The following CFAP20DC variants were observed in gnomAD, a reference collection of about 807,000 sequenced individuals.
The protein encoded by CFAP20DC is CFAP20 domain containing, also known as protein CFAP20DC.
A neutral mutation model predicts 101.7 loss-of-function variants in CFAP20DC; 84 were observed. The ratio of observed to expected loss-of-function variants is 0.83; its 90% CI spans 0.69 to 0.99. The LOEUF (loss-of-function observed/expected upper bound fraction) is 0.99, where lower values mean the gene tolerates loss of function less well. CFAP20DC is among the 50% of genes least tolerant of loss of function. The probability of loss-of-function intolerance (pLI) is 0.00; values close to 1 mark genes in which losing one functional copy is unlikely to be tolerated. For synonymous variants in CFAP20DC, 359 were observed against 351.2 expected, an observed-to-expected ratio of 1.02 and a Z score of -0.25; for missense variants, 1,007 against 970.3, an observed-to-expected ratio of 1.04 and a Z score of -0.50.
chr3:58,917,150 T>C (rs916398218), intron 5 of CFAP20DC, among the ~76,000 whole-genome samples: 1 of 152,148 alleles, frequency 6.6e-6, no homozygotes, highest in African/African-American at 2.4e-5. Flanking sequence ...AGTCAGTTTA[T>C]GCTATTTATT....
At chr3:58,875,400 C>T (rs1391915345) in intron 7 of CFAP20DC, among the ~76,000 whole-genome samples, 1 of 152,100 alleles carries the variant, frequency 6.6e-6, no homozygotes, top group African/African-American at 2.4e-5. Context: ...AAATTCTAGA[C>T]TATTCATTTG....
At chr3:58,765,394 G>A (rs9838794) in intron 15 of CFAP20DC, among the ~76,000 whole-genome samples, 1,473 of 146,710 alleles carry the variant, frequency 0.01, 23 homozygotes, top group African/African-American at 0.036. Context: ...GTGCCAGGCT[G>A]TGTGGGGATT....
intron 4 of CFAP20DC, among the ~76,000 whole-genome samples, chr3:58,978,465 T>G (rs1180420533): frequency 2.0e-5 from 3 of 151,964 alleles, no homozygotes; most frequent in African/African-American, 7.2e-5. Flanking sequence ...TCCCAGCACT[T>G]TGGGAGGCCG....
intron 16 of CFAP20DC, among the ~76,000 whole-genome samples, chr3:58,746,632 A>G (rs996068624): frequency 2.6e-5 from 4 of 152,184 alleles, no homozygotes; most frequent in Non-Finnish European, 4.4e-5. Context: ...AAATGCATTC[A>G]TTCCAATACA....
At chr3:58,782,146 G>A (rs1575624244) in intron 15 of CFAP20DC, among the ~76,000 whole-genome samples, 2 of 151,922 alleles carry the variant, frequency 1.3e-5, no homozygotes, top group African/African-American at 4.8e-5. Context: ...GTGATACATC[G>A]CATTAACAGA....
downstream of CFAP20DC, chr3:58,737,144 GCTTCAGCATAC>G (rs1422001537): frequency 2.2e-6 from 1 of 456,188 alleles, no homozygotes; most frequent in South Asian, 1.6e-5. The surrounding 1 kb of genome is among the most constrained non-coding windows in gnomAD (Gnocchi z 4.1). Flanking sequence ...AAATGTTCAG[GCTTCAGCATAC>G]CTTGTTTTGG....
In CFAP20DC at chr3:58,809,850, A is replaced by T. The variant is rs550860699; in HGVS notation, c.2176-3394T>A. On this transcript the variant is annotated intron_variant, in intron 14 of 16. Transcript: ENST00000482387. ...AAGAGAGAAGAATCAAATAGACACA[A>T]TAAAAAATGATAAAGGGGATATCAC... Among the ~76,000 whole-genome samples, 254 of 152,310 alleles carry T rather than the reference A, an allele frequency of 1.7e-3. 1 individual carries two copies. The highest frequency in any genetic ancestry group is 5.7e-3 in the African/African-American group (236 of 41,582).
rs571048095 is a variant in CFAP20DC at position 58,926,307 on chromosome 3, AGT to A, written c.393+11339_393+11340del. Among the ~76,000 whole-genome samples the A allele has an allele frequency of 5.1e-3, 774 of 152,110 alleles. 3 individuals are homozygous for A. Among genetic ancestry groups the A allele is most frequent in the Non-Finnish European group, 9.1e-3 (622 of 67,986 alleles). ...TTTGAACCTGAGAGGCAGAGGTTGC[AGT>A]GAGCCGAGATCATGCCACTATACTC... On this transcript the variant is annotated intron_variant, in intron 5 of 16. Coordinates refer to ENST00000482387, the MANE Select transcript of CFAP20DC (RefSeq NM_001394063.1).
At chr3:59,000,893 A>G (rs2093290781) in intron 4 of CFAP20DC, among the ~76,000 whole-genome samples, 1 of 152,208 alleles carries the variant, frequency 6.6e-6, no homozygotes, top group Non-Finnish European at 1.5e-5. Flanking sequence ...TGGAACTCAA[A>G]TTAAGGTCAC....
At chr3:58,949,717 AC>A (rs1406620872) in intron 4 of CFAP20DC, among the ~76,000 whole-genome samples, 2 of 151,954 alleles carry the variant, frequency 1.3e-5, no homozygotes, top group African/African-American at 2.4e-5. Flanking sequence ...AAATTCAAAA[AC>A]CCTTCATGCT....
chr3:58,820,667 T>C (rs1279288908), intron 14 of CFAP20DC, among the ~76,000 whole-genome samples: 1 of 151,494 alleles, frequency 6.6e-6, no homozygotes, highest in Non-Finnish European at 1.5e-5. Context: ...TGGAAGAACA[T>C]TCCATGCTCA....
intron 13 of CFAP20DC, among the ~76,000 whole-genome samples, chr3:58,843,133 C>T (rs1426312158): frequency 6.6e-6 from 1 of 152,206 alleles, no homozygotes; most frequent in Non-Finnish European, 1.5e-5. Flanking sequence ...AACACAGTTC[C>T]TCACCAGCAA....
chr3:58,806,601 A>C, intron 14 of CFAP20DC, 145 bp from the exon 15 acceptor site: 3 of 669,320 alleles, frequency 4.5e-6, no homozygotes, highest in African/African-American at 1.8e-5. Flanking sequence ...AGACGGCCGA[A>C]TAGGAACAGC....
intron 5 of CFAP20DC, among the ~76,000 whole-genome samples, chr3:58,936,539 G>A (rs892190249): frequency 6.6e-6 from 1 of 152,100 alleles, no homozygotes; most frequent in Non-Finnish European, 1.5e-5. Flanking sequence ...GTCCAACAAT[G>A]ATAGACTGGA....
chr3:58,738,851 T>C (rs2067817019), downstream of CFAP20DC, among the ~76,000 whole-genome samples: 1 of 152,218 alleles, frequency 6.6e-6, no homozygotes, highest in South Asian at 2.1e-4. This position sits in a 1 kb window ranked among gnomAD's most constrained non-coding sequence, Gnocchi z 4.4. Flanking sequence ...GATAGTGTAC[T>C]TGATGTCATT....
chr3:58,744,047 GT>G (rs2068031883), intron 16 of CFAP20DC, among the ~76,000 whole-genome samples: 1 of 152,226 alleles, frequency 6.6e-6, no homozygotes, highest in Non-Finnish European at 1.5e-5. Context: ...TGTGAGTTGA[GT>G]GCAGTGCTAG....
At chr3:58,932,375 C>A (rs1345821309) in intron 5 of CFAP20DC, among the ~76,000 whole-genome samples, 2 of 152,026 alleles carry the variant, frequency 1.3e-5, no homozygotes, top group East Asian at 1.9e-4. Flanking sequence ...GAGAACTTCC[C>A]CAATCTAGCA....
rs753060406 is a variant in CFAP20DC, at chr3:58,937,741, G to C, written c.300C>G (p.Ile100Met). Residue 100 changes from isoleucine (I) to methionine (M), a missense_variant, in exon 5 of 17, where the codon ATC becomes ATG. Physicochemically the swap from Ile to Met is conservative, Grantham distance 10. Coordinates refer to ENST00000482387, the MANE Select transcript of CFAP20DC (RefSeq NM_001394063.1). ...TELLITDLGN[I>M]KRRLYLSTVH... ...CCGTTGATAAATATAATCTTCTTTTGATGTTCCCTAAATCAGTAATTCTGA... is the reference window on the plus strand; with the variant it reads ...CCGTTGATAAATATAATCTTCTTTTCATGTTCCCTAAATCAGTAATTCTGA... 7 of 1,601,624 alleles carry C rather than the reference G, an allele frequency of 4.4e-6. No homozygotes were observed. In the South Asian group the frequency reaches 5.5e-5, roughly 13 times the overall value.
At chr3:58,921,674 G>C (rs939606102) in intron 5 of CFAP20DC, among the ~76,000 whole-genome samples, 2 of 152,124 alleles carry the variant, frequency 1.3e-5, no homozygotes, top group African/African-American at 4.8e-5. Flanking sequence ...AATGTCCAAT[G>C]TGCACTTGAA....
Sources: allele counts gnomAD v4.1 joint callset (sites outside exome capture counted in the v4.1 genomes callset), GRCh38; gene constraint gnomAD v4.1.1; non-coding constraint Gnocchi (gnomAD v3.1); transcripts MANE v1.5; gene names NCBI Gene and HGNC (gene_info 2026-07-23, HGNC 2026-07-21).